TRHDE: variants seen among roughly 807,000 people sequenced by gnomAD.
TRHDE encodes the protein thyrotropin-releasing hormone-degrading ectoenzyme.
TRHDE carries 72 observed loss-of-function variants against 125.7 expected under a neutral mutation model. The ratio of observed to expected loss-of-function variants is 0.57; its 90% CI spans 0.47 to 0.70. The LOEUF (loss-of-function observed/expected upper bound fraction) is 0.70, where lower values mean the gene tolerates loss of function less well. Among genes scored for constraint, TRHDE ranks in the 30% least tolerant of loss-of-function variants. The pLI is 0.00. For missense variants in TRHDE, 1,110 were observed against 1,327.1 expected, an observed-to-expected ratio of 0.84 and a Z score of 2.54; for synonymous variants, 509 against 509.1, an observed-to-expected ratio of 1.00 and a Z score of 0.00.
chr12:72,493,609 C>G (rs867514372), intron 5 of TRHDE, among the ~76,000 whole-genome samples: 2 of 151,932 alleles, frequency 1.3e-5, no homozygotes, highest in Middle Eastern at 3.2e-3. Context: ...ATGTCACTTC[C>G]TAACACTAGC....
chr12:72,387,916 T>G (rs1434257277), intron 3 of TRHDE, among the ~76,000 whole-genome samples: 1 of 152,176 alleles, frequency 6.6e-6, no homozygotes, highest in African/African-American at 2.4e-5. Context: ...TCTTTTTCTT[T>G]ATAAATTACT....
At chr12:72,614,330 A>ATATATATATATATATTTTTT (rs531067163) in intron 12 of TRHDE, among the ~76,000 whole-genome samples, 1 of 129,860 alleles carries the variant, frequency 7.7e-6, no homozygotes, top group African/African-American at 3.1e-5. Flanking sequence ...ATATATATAT[A>ATATATATATATATATTTTTT]TTTTTTTTTT....
At chr12:72,447,695 A>G (rs954762013) in intron 3 of TRHDE, among the ~76,000 whole-genome samples, 2 of 151,828 alleles carry the variant, frequency 1.3e-5, no homozygotes, top group Non-Finnish European at 2.9e-5. Context: ...GATGTTTTAA[A>G]CCCTGGCTGA....
intron 3 of TRHDE, among the ~76,000 whole-genome samples, chr12:72,393,688 A>G (rs542236257): frequency 6.6e-6 from 1 of 152,330 alleles, no homozygotes; most frequent in South Asian, 2.1e-4. Flanking sequence ...GCTGATCCTT[A>G]TTCTTGGATG....
intron 12 of TRHDE, among the ~76,000 whole-genome samples, chr12:72,615,246 A>G (rs937466853): frequency 1.3e-5 from 2 of 152,170 alleles, no homozygotes; most frequent in African/African-American, 2.4e-5. Flanking sequence ...TATTAAACAC[A>G]TACAATATGT....
intron 3 of TRHDE, among the ~76,000 whole-genome samples, chr12:72,425,216 A>G (rs540171325): frequency 6.6e-6 from 1 of 152,252 alleles, no homozygotes; most frequent in African/African-American, 2.4e-5. Context: ...TTGGCCAGCA[A>G]AACCCTCAAT....
At chr12:72,124,041 A>C (rs889374872) in intron 2 of TRHDE, among the ~76,000 whole-genome samples, 1 of 152,124 alleles carries the variant, frequency 6.6e-6, no homozygotes, top group African/African-American at 2.4e-5. Context: ...ACAGGCATAT[A>C]ATTTTCTTCA....
At chr12:72,360,172 C>T (rs1157763858) in intron 2 of TRHDE, among the ~76,000 whole-genome samples, 3 of 151,668 alleles carry the variant, frequency 2.0e-5, no homozygotes, top group African/African-American at 7.3e-5. Context: ...ACATTTTGAC[C>T]TTGAGGGCAA....
At chr12:72,434,964 A>G (rs1874672391) in intron 3 of TRHDE, among the ~76,000 whole-genome samples, 1 of 152,214 alleles carries the variant, frequency 6.6e-6, no homozygotes, top group Non-Finnish European at 1.5e-5. Context: ...AATAGTTTAA[A>G]TCTACCTTAC....
intron 2 of TRHDE, among the ~76,000 whole-genome samples, chr12:72,310,748 T>A (rs1868505668): frequency 6.6e-6 from 1 of 152,154 alleles, no homozygotes; most frequent in Non-Finnish European, 1.5e-5. Flanking sequence ...GCTTCCCTCG[T>A]GGATCTATTT....
chr12:72,339,752 T>C (rs981114238), intron 2 of TRHDE, among the ~76,000 whole-genome samples: 1 of 152,178 alleles, frequency 6.6e-6, no homozygotes, highest in African/African-American at 2.4e-5. Context: ...GACACAGCCC[T>C]TGACTATGGT....
intron 15 of TRHDE, among the ~76,000 whole-genome samples, chr12:72,625,916 C>G (rs557960172): frequency 2.2e-4 from 34 of 152,074 alleles, no homozygotes; most frequent in Admixed American, 7.2e-4. Context: ...GTACTCACTT[C>G]GGTGAGTAAG....
In TRHDE at chr12:72,656,995, G is replaced by A. The variant is rs1009191004; in HGVS notation, c.3053G>A (p.Gly1018Asp). 20 of 1,597,842 alleles carry A rather than the reference G, an allele frequency of 1.3e-5. No individual in the cohort carries two copies. Among genetic ancestry groups the A allele is most frequent in the Non-Finnish European group, 1.6e-5 (19 of 1,166,882 alleles). Residue 1018 changes from glycine to aspartate, a missense_variant, in exon 18 of 19, where the codon GGT (glycine) becomes GAT (aspartate). Gly to Asp is a moderately conservative substitution (Grantham distance 94). Transcript: ENST00000261180. ...GTCACAGAATTTCTTAATACTGAAG[G>A]TGAACTCAAAGAGGTAAATATTTTA... ...SGVTEFLNTE[G>D]ELKELKNFMK...
At chr12:72,322,423 T>C (rs1728973506) in intron 2 of TRHDE, among the ~76,000 whole-genome samples, 1 of 152,146 alleles carries the variant, frequency 6.6e-6, no homozygotes, top group Non-Finnish European at 1.5e-5. Context: ...GAAAATAGCG[T>C]GTTAGATAAA....
chr12:72,495,663 C>T lies in TRHDE; in HGVS notation c.1585-3835C>T, dbSNP rs115353468. On this transcript the variant is annotated intron_variant, in intron 5 of 18. Transcript: ENST00000261180. The stretch of plus-strand genomic sequence containing the variant: ...TTATTTAAGGTTAGGGCCTAGATTT[C>T]GCTGATATATTCATTCCTCAAATGC... 4.6e-3 allele frequency among the ~76,000 whole-genome samples: 693 copies of T among 152,092 alleles called. 5 individuals carry two copies. Among genetic ancestry groups the T allele is most frequent in the African/African-American group, 0.015 (623 of 41,502 alleles).
chr12:72,269,328 AG>A (rs1879141040), upstream of TRHDE, among the ~76,000 whole-genome samples: 1 of 152,152 alleles, frequency 6.6e-6, no homozygotes, highest in South Asian at 2.1e-4. Flanking sequence ...TATTATGCAA[AG>A]TTACATTTAA....
intron 2 of TRHDE, among the ~76,000 whole-genome samples, chr12:72,345,364 T>A (rs1461083768): frequency 6.6e-6 from 1 of 152,122 alleles, no homozygotes; most frequent in East Asian, 1.9e-4. Flanking sequence ...TAACATGATG[T>A]CATTGAATGC....
chr12:72,511,427 T>TA (rs1177527616), intron 6 of TRHDE, among the ~76,000 whole-genome samples: 1 of 152,212 alleles, frequency 6.6e-6, no homozygotes, highest in African/African-American at 2.4e-5. Flanking sequence ...GGTCTACTGA[T>TA]ACCTATTAAA....
intron 12 of TRHDE, among the ~76,000 whole-genome samples, chr12:72,587,054 A>C (rs1486246856): frequency 1.3e-5 from 2 of 152,148 alleles, no homozygotes; most frequent in African/African-American, 4.8e-5. Flanking sequence ...AAAAAAGTTA[A>C]TTGTGTAAGC....
Sources: allele counts gnomAD v4.1 joint callset (sites outside exome capture counted in the v4.1 genomes callset), GRCh38; gene constraint gnomAD v4.1.1; transcripts MANE v1.5; gene names NCBI Gene and HGNC (gene_info 2026-07-23, HGNC 2026-07-21).